ASTN1: variants seen among roughly 807,000 people sequenced by gnomAD.
The protein encoded by ASTN1 is astrotactin 1, also known as astrotactin-1.
In ASTN1, 41 loss-of-function variants were observed where a neutral mutation model predicts 140.7. The observed-to-expected ratio is 0.29, with a 90% CI of 0.23 to 0.38. The LOEUF (loss-of-function observed/expected upper bound fraction) is 0.38. Ranked by LOEUF, ASTN1 falls within the 10% of genes least tolerant of loss-of-function variation. ASTN1 has a pLI of 1.00. For synonymous variants in ASTN1, 640 were observed against 652.2 expected (o/e 0.98, Z 0.29); for missense variants, 1,479 against 1,678.8 (o/e 0.88, Z 2.08).
intron 1 of ASTN1, among the ~76,000 whole-genome samples, chr1:177,111,600 GCTTT>G (rs1462228173): frequency 6.6e-6 from 1 of 152,144 alleles, no homozygotes; most frequent in Non-Finnish European, 1.5e-5. Flanking sequence ...GAAGCTTAGT[GCTTT>G]CTGTTTGATT....
At chr1:176,971,670 T>A (rs1325015621) in intron 8 of ASTN1, among the ~76,000 whole-genome samples, 1 of 152,190 alleles carries the variant, frequency 6.6e-6, no homozygotes, top group African/African-American at 2.4e-5. Flanking sequence ...GCACTTTCCT[T>A]TATATATAGT....
In ASTN1 at chr1:177,164,257, C is replaced by T. The variant is rs541156009; in HGVS notation, c.283+137G>A. On this transcript the variant is annotated intron_variant, in intron 1 of 22. Coordinates refer to ENST00000361833, the MANE Select transcript of ASTN1 (RefSeq NM_004319.3). ...ATGCAAGTGGGTGTGGAGAATGGTC[C>T]GGGAGTGGGGCGGATCCGGGAGGTA... is the stretch of plus-strand genomic sequence containing the variant. 7.5e-4 allele frequency: 728 copies of T among 966,116 alleles called. 1 individual carries two copies. Among genetic ancestry groups the T allele is most frequent in the Non-Finnish European group, 9.7e-4 (655 of 674,446 alleles). 59.8% of individuals were successfully genotyped at this position (966,116 alleles called of 1,614,324 possible). A position where few individuals can be genotyped will look rare whatever the true frequency, so the allele number is the denominator to read the frequency against.
chr1:177,140,662 G>C (rs776146608), intron 1 of ASTN1, among the ~76,000 whole-genome samples: 7 of 152,150 alleles, frequency 4.6e-5, no homozygotes, highest in Non-Finnish European at 7.4e-5. Context: ...TCTCTATAAG[G>C]GTTCTCTCAT....
chr1:176,861,735 G>A lies in ASTN1; in HGVS notation c.*2549C>T, dbSNP rs1667969750. On this transcript the variant is annotated 3_prime_UTR_variant, in exon 23 of 23. Coordinates refer to ENST00000361833, the MANE Select transcript of ASTN1 (RefSeq NM_004319.3). ...ACACATTCAGTGGGGAGAACTCAACGAGAAACAGGAGGAAGAAAGTCTTGG... is the reference window on the plus strand; with the variant it reads ...ACACATTCAGTGGGGAGAACTCAACAAGAAACAGGAGGAAGAAAGTCTTGG... 9 of 985,270 alleles carry A rather than the reference G, an allele frequency of 9.1e-6. No individual in the cohort carries two copies. The highest frequency in any genetic ancestry group is 1.1e-4 in the East Asian group (1 of 8,806). The allele number at this position is 985,270 out of a possible 1,614,324, so 61.0% of individuals were successfully genotyped here.
At chr1:176,880,665 G>A (rs926723647) in intron 20 of ASTN1, among the ~76,000 whole-genome samples, 1 of 152,184 alleles carries the variant, frequency 6.6e-6, no homozygotes, top group Non-Finnish European at 1.5e-5. Flanking sequence ...AGCCAGCTAA[G>A]CAGAAATGCT....
chr1:177,091,535 TGTCTTTTTAA>T, intron 1 of ASTN1, among the ~76,000 whole-genome samples: 1 of 151,862 alleles, frequency 6.6e-6, no homozygotes, highest in South Asian at 2.1e-4. Context: ...ATGATAAACA[TGTCTTTTTAA>T]TTGAGATATA....
chr1:177,069,905 T>A (rs1167789485), intron 1 of ASTN1, among the ~76,000 whole-genome samples: 2 of 152,038 alleles, frequency 1.3e-5, no homozygotes, highest in Non-Finnish European at 2.9e-5. Context: ...GGCAGGGTTA[T>A]CTGAGCTGCA....
At position 176,943,916 on chromosome 1, in the gene ASTN1, G is replaced by A; in HGVS notation, c.2352C>T (p.Pro784=). ...CAGTCAGGAAGTCAGGGTCAGGGGT[G>A]GGCTCCGAGATCTCCTCTAGGCATT... ...ENQCLEEISE[P]TPDPDFLTGM... Residue 784 remains proline, a synonymous_variant, in exon 14 of 23, where the codon CCC becomes CCT. Coordinates refer to ENST00000361833, the MANE Select transcript of ASTN1 (RefSeq NM_004319.3). 5.0e-6 allele frequency: 8 copies of A among 1,611,270 alleles called. No homozygotes were observed. The highest frequency in any genetic ancestry group is 6.8e-6 in the Non-Finnish European group (8 of 1,178,068).
At chr1:177,033,000 G>A in intron 2 of ASTN1, 151 bp from the exon 3 acceptor site, 2 of 1,044,918 alleles carry the variant, frequency 1.9e-6, no homozygotes, top group South Asian at 1.8e-5. Context: ...TCATTCAGCA[G>A]CAAAGGGAAA....
At chr1:177,069,238 G>A (rs767406391) in intron 1 of ASTN1, among the ~76,000 whole-genome samples, 2 of 152,136 alleles carry the variant, frequency 1.3e-5, no homozygotes, top group Non-Finnish European at 2.9e-5. Flanking sequence ...AATTTTCAAT[G>A]AATTATTAAC....
chr1:177,074,742 C>G (rs949698919), intron 1 of ASTN1, among the ~76,000 whole-genome samples: 1 of 152,156 alleles, frequency 6.6e-6, no homozygotes, highest in Non-Finnish European at 1.5e-5. Context: ...TTATGCAGCA[C>G]CAGGAATTTA....
At chr1:177,128,199 G>C (rs1438246101) in intron 1 of ASTN1, among the ~76,000 whole-genome samples, 1 of 152,026 alleles carries the variant, frequency 6.6e-6, no homozygotes, top group Non-Finnish European at 1.5e-5. Context: ...TATAAAAAAA[G>C]AAAACAAAAG....
chr1:176,900,755 G>A (rs1265285194), intron 16 of ASTN1, among the ~76,000 whole-genome samples: 1 of 152,178 alleles, frequency 6.6e-6, no homozygotes, highest in Non-Finnish European at 1.5e-5. Context: ...AATTCGCAAA[G>A]ACAGTTTAGA....
intron 1 of ASTN1, among the ~76,000 whole-genome samples, chr1:177,071,157 C>A (rs1430150769): frequency 6.6e-6 from 1 of 152,158 alleles, no homozygotes; most frequent in Non-Finnish European, 1.5e-5. Flanking sequence ...ATTGAACAAT[C>A]TTTAGATGTC....
chr1:177,034,684 C>T (rs1676624874), intron 2 of ASTN1, among the ~76,000 whole-genome samples: 1 of 152,024 alleles, frequency 6.6e-6, no homozygotes, highest in Admixed American at 6.6e-5. Flanking sequence ...TATTTGTGTC[C>T]AACCTGACAT....
rs147557333 is a variant in ASTN1 at position 176,912,592 on chromosome 1, G to A, written c.2672-17762C>T. ...TTGAATTCTTAGACCTGCTCTTTGA[G>A]GCAGGTATACTCATTTCCATTTTCT... On this transcript the variant is annotated intron_variant, in intron 16 of 22. Transcript: ENST00000361833. 3.9e-5 allele frequency among the ~76,000 whole-genome samples: 6 copies of A among 152,130 alleles called. No individual in the cohort carries two copies. In the East Asian group the frequency reaches 1.2e-3, roughly 29 times the overall value.
chr1:176,944,731 C>T (rs1039157363), intron 13 of ASTN1, among the ~76,000 whole-genome samples: 6 of 152,180 alleles, frequency 3.9e-5, no homozygotes, highest in African/African-American at 1.4e-4. Context: ...CTATGCTTTC[C>T]TCTTTCCCAA....
intron 8 of ASTN1, among the ~76,000 whole-genome samples, chr1:177,002,525 G>C (rs1295319469): frequency 6.6e-6 from 1 of 152,058 alleles, no homozygotes; most frequent in Non-Finnish European, 1.5e-5. Context: ...ATGGTACTTT[G>C]GGTGGCTTGG....
chr1:177,088,653 T>G (rs1235354522), intron 1 of ASTN1, among the ~76,000 whole-genome samples: 1 of 152,130 alleles, frequency 6.6e-6, no homozygotes, highest in East Asian at 1.9e-4. Context: ...TTAAATATAT[T>G]TAAAAACATG....
Sources: allele counts gnomAD v4.1 joint callset (sites outside exome capture counted in the v4.1 genomes callset), GRCh38; gene constraint gnomAD v4.1.1; transcripts MANE v1.5; gene names NCBI Gene and HGNC (gene_info 2026-07-23, HGNC 2026-07-21).